TRDN: variants seen among roughly 807,000 people sequenced by gnomAD.
TRDN encodes triadin, also known as triadin in skeletal muscle.
TRDN carries 161 observed loss-of-function variants against 149.7 expected under a neutral mutation model. The observed-to-expected ratio is 1.08, with a 90% CI of 0.95 to 1.23. The LOEUF is 1.23. Ranked by LOEUF, TRDN falls within the 50% of genes most tolerant of loss-of-function variation. TRDN has a pLI of 0.00. For missense variants in TRDN, 896 were observed against 823.5 expected, an observed-to-expected ratio of 1.09 and a Z score of -1.08; for synonymous variants, 294 against 250.5, an observed-to-expected ratio of 1.17 and a Z score of -1.64.
chr6:123,597,201 G>T (rs1784077570), intron 1 of TRDN, among the ~76,000 whole-genome samples: 1 of 151,996 alleles, frequency 6.6e-6, no homozygotes, highest in Non-Finnish European at 1.5e-5. Flanking sequence ...CACTTTAAGG[G>T]GTTCAAGACT....
intron 38 of TRDN, among the ~76,000 whole-genome samples, chr6:123,233,612 C>T (rs769114475): frequency 3.3e-5 from 5 of 152,020 alleles, no homozygotes; most frequent in Non-Finnish European, 7.4e-5. Context: ...TCACCAAATG[C>T]GCCTTATACA....
chr6:123,343,069 G>T (rs1032126555), intron 21 of TRDN, among the ~76,000 whole-genome samples: 2 of 152,006 alleles, frequency 1.3e-5, no homozygotes, highest in Non-Finnish European at 2.9e-5. Context: ...TAATCTTTGT[G>T]TGGCAAAAGT....
Position 123,216,994 on chromosome 6 carries a change from C to T in TRDN, c.*1607G>A, listed in dbSNP as rs1326148241. 1.3e-5 allele frequency: 2 copies of T among 151,916 alleles called. No homozygotes were observed. The highest frequency in any genetic ancestry group is 2.9e-5 in the Non-Finnish European group (2 of 67,958). The allele number at this position is 151,916 out of a possible 1,614,324, so 9.4% of individuals were successfully genotyped here. ...GCAATAAACTTTATGCACTCTCCTA[C>T]CCACAAGTTTAGATTGTCACCTGAA... On this transcript the variant is annotated 3_prime_UTR_variant, in exon 41 of 41. Transcript: ENST00000334268.
chr6:123,448,391 C>T (rs964236162), intron 10 of TRDN, among the ~76,000 whole-genome samples: 20 of 152,074 alleles, frequency 1.3e-4, no homozygotes, highest in Admixed American at 2.0e-4. Flanking sequence ...GGGCTGTTGG[C>T]GGGGGACATG....
intron 1 of TRDN, among the ~76,000 whole-genome samples, chr6:123,597,634 C>A (rs1323416072): frequency 6.6e-6 from 1 of 152,078 alleles, no homozygotes; most frequent in Non-Finnish European, 1.5e-5. Context: ...GCCACCCCAA[C>A]CTTTAGCAAC....
intron 40 of TRDN, among the ~76,000 whole-genome samples, chr6:123,219,780 G>A (rs73771529): frequency 0.048 from 7,343 of 151,624 alleles, 521 homozygotes; most frequent in African/African-American, 0.17. Context: ...TACAACTTCC[G>A]TCTCTTCAAG....
chr6:123,230,125 T>G (rs1010819160), intron 38 of TRDN, among the ~76,000 whole-genome samples: 1 of 152,054 alleles, frequency 6.6e-6, no homozygotes, highest in Admixed American at 6.6e-5. Context: ...AGCAAAGACT[T>G]GGAACCAACC....
intron 12 of TRDN, among the ~76,000 whole-genome samples, chr6:123,431,511 T>C (rs543718153): frequency 1.3e-5 from 2 of 152,112 alleles, no homozygotes; most frequent in Non-Finnish European, 2.9e-5. Flanking sequence ...CTTGCCCAAA[T>C]ACATATTTGC....
chr6:123,548,536 G>T lies in TRDN; in HGVS notation c.309C>A (p.Ile103=). The change falls in exon 3 of 41, where the codon ATC becomes ATA. Residue 103 remains isoleucine (I), a synonymous_variant. Transcript: ENST00000334268. ...RDAMEETTDW[I]YGFFSLLSDI... ...CAGATAACAAAGAAAAGAAGCCATA[G>T]ATCCAGTCCGTGGTTTCCTCCATAG... 1 of 1,576,090 alleles carries T rather than the reference G, an allele frequency of 6.3e-7. No homozygotes were observed. The highest frequency in any genetic ancestry group is 2.3e-5 in the East Asian group (1 of 43,854).
chr6:123,452,415 T>G (rs1775829449), intron 10 of TRDN, among the ~76,000 whole-genome samples: 1 of 152,032 alleles, frequency 6.6e-6, no homozygotes, highest in Admixed American at 6.6e-5. Context: ...GATACAAGAT[T>G]AATGTACACA....
intron 9 of TRDN, among the ~76,000 whole-genome samples, chr6:123,478,314 G>C (rs540678898): frequency 2.8e-4 from 43 of 152,238 alleles, no homozygotes; most frequent in African/African-American, 9.6e-4. Context: ...GAATGGACTT[G>C]ATATATCCCA....
At chr6:123,586,624 A>T (rs571816503) in intron 1 of TRDN, among the ~76,000 whole-genome samples, 1 of 152,120 alleles carries the variant, frequency 6.6e-6, no homozygotes, top group South Asian at 2.1e-4. Flanking sequence ...TCGAGTTTGT[A>T]TTGGGGTCAA....
At chr6:123,516,426 A>T (rs1004958719) in intron 5 of TRDN, among the ~76,000 whole-genome samples, 7 of 152,052 alleles carry the variant, frequency 4.6e-5, no homozygotes, top group African/African-American at 1.4e-4. Flanking sequence ...CTAGTACCCA[A>T]ACCAAGTCTG....
intron 21 of TRDN, chr6:123,350,198 CT>C: frequency 2.1e-6 from 2 of 968,428 alleles, no homozygotes; most frequent in Non-Finnish European, 2.5e-6. Context: ...CGTGTTTCTT[CT>C]TAACTGACTG....
At chr6:123,596,950 A>C (rs1186945112) in intron 1 of TRDN, among the ~76,000 whole-genome samples, 2 of 152,104 alleles carry the variant, frequency 1.3e-5, no homozygotes, top group Non-Finnish European at 2.9e-5. Context: ...TAACACAAAA[A>C]TCTTTTCTGT....
intron 12 of TRDN, among the ~76,000 whole-genome samples, chr6:123,436,602 C>A (rs1251149397): frequency 6.6e-6 from 1 of 151,964 alleles, no homozygotes; most frequent in East Asian, 1.9e-4. Context: ...GGGTCCTCAC[C>A]ACCATCATTT....
At chr6:123,393,510 TGC>T (rs879698365) in intron 13 of TRDN, 112 bp downstream of exon 13, 587 of 864,738 alleles carry the variant, frequency 6.8e-4, no homozygotes, top group Admixed American at 1.9e-3. Flanking sequence ...ATATTTTTTT[TGC>T]AATATCCCAG....
In TRDN at chr6:123,463,442, T is replaced by C. The variant is rs1352790857; in HGVS notation, c.931+1464A>G. Reference sequence around the variant, plus strand: ...AACAAATGACACATCCTTTTCCAAGTGACAGATTGCTAAGCAAAATATTTG... The same window carrying C: ...AACAAATGACACATCCTTTTCCAAGCGACAGATTGCTAAGCAAAATATTTG... On this transcript the variant is annotated intron_variant, in intron 10 of 40. Transcript: ENST00000334268. Among the ~76,000 whole-genome samples the C allele has an allele frequency of 2.0e-5, 3 of 151,942 alleles. 1 individual carries two copies. The highest frequency in any genetic ancestry group is 4.4e-5 in the Non-Finnish European group (3 of 67,962).
chr6:123,471,243 T>G (rs1777131743), intron 9 of TRDN: 1 of 152,088 alleles, frequency 6.6e-6, no homozygotes, highest in African/African-American at 2.4e-5. Context: ...ATAATTTGAC[T>G]TGAGTATCTG....
Sources: allele counts gnomAD v4.1 joint callset (sites outside exome capture counted in the v4.1 genomes callset), GRCh38; gene constraint gnomAD v4.1.1; transcripts MANE v1.5; gene names NCBI Gene and HGNC (gene_info 2026-07-23, HGNC 2026-07-21).